Variants in TRHDE observed in about 807,000 individuals in gnomAD.
The protein encoded by TRHDE is thyrotropin-releasing hormone-degrading ectoenzyme.
TRHDE carries 72 observed loss-of-function variants against 125.7 expected under a neutral mutation model. The observed-to-expected ratio is 0.57, with a 90% CI of 0.47 to 0.70. The LOEUF (loss-of-function observed/expected upper bound fraction) is 0.70, where lower values mean the gene tolerates loss of function less well. Among genes scored for constraint, TRHDE ranks in the 30% least tolerant of loss-of-function variants. TRHDE has a pLI of 0.00. For missense variants in TRHDE, 1,110 were observed against 1,327.1 expected (o/e 0.84, Z 2.54); for synonymous variants, 509 against 509.1 (o/e 1.00, Z 0.00).
chr12:72,499,766 C>A, intron 6 of TRHDE, 131 bp downstream of exon 6: 1 of 1,017,060 alleles, frequency 9.8e-7, no homozygotes, highest in Non-Finnish European at 1.4e-6. Context: ...AAAACAGAGT[C>A]ACTAGGTTCG....
At chr12:72,209,471 A>G (rs1877732231) in intron 2 of TRHDE, among the ~76,000 whole-genome samples, 1 of 152,240 alleles carries the variant, frequency 6.6e-6, no homozygotes, top group African/African-American at 2.4e-5. Context: ...CATGTTCACA[A>G]TGTGGTTTCA....
intron 2 of TRHDE, among the ~76,000 whole-genome samples, chr12:72,244,491 T>C (rs557710217): frequency 1.3e-5 from 2 of 152,244 alleles, no homozygotes; most frequent in South Asian, 4.1e-4. Flanking sequence ...AGTACCATCA[T>C]TTCAATAAGA....
intron 6 of TRHDE, among the ~76,000 whole-genome samples, chr12:72,519,769 G>A (rs1293378520): frequency 1.3e-5 from 2 of 152,080 alleles, no homozygotes; most frequent in Admixed American, 1.3e-4. Flanking sequence ...CCCCATCTTT[G>A]TGGTTTTATC....
At chr12:72,128,596 T>G (rs911486381) in intron 2 of TRHDE, among the ~76,000 whole-genome samples, 15 of 152,314 alleles carry the variant, frequency 9.8e-5, no homozygotes, top group African/African-American at 3.4e-4. Flanking sequence ...AAAGGCTAAG[T>G]TGAACTTTTA....
chr12:72,615,988 A>G (rs1320213735), intron 12 of TRHDE, among the ~76,000 whole-genome samples: 1 of 152,146 alleles, frequency 6.6e-6, no homozygotes, highest in African/African-American at 2.4e-5. Context: ...TCTATTGGCT[A>G]GATCTCAGTC....
At chr12:72,120,024 A>G (rs1028847853) in intron 2 of TRHDE, among the ~76,000 whole-genome samples, 2 of 150,750 alleles carry the variant, frequency 1.3e-5, no homozygotes, top group African/African-American at 2.4e-5. Flanking sequence ...TTTACATTCA[A>G]TGCTATTATT....
rs188562697 is a variant in TRHDE at position 72,532,705 on chromosome 12, A to G, written c.1723-9586A>G. Among the ~76,000 whole-genome samples, 147 of 151,144 alleles carry G rather than the reference A, an allele frequency of 9.7e-4. 1 individual carries two copies. Among genetic ancestry groups the G allele is most frequent in the African/African-American group, 3.3e-3 (137 of 41,438 alleles). ...TGCAATTAATTATAATATGTTTGCTATTAAACAATTATTAAATTTCTGGAA... is the reference window on the plus strand; with the variant it reads ...TGCAATTAATTATAATATGTTTGCTGTTAAACAATTATTAAATTTCTGGAA... On this transcript the variant is annotated intron_variant, in intron 6 of 18. Transcript: ENST00000261180.
chr12:72,142,912 C>G (rs1876150440), intron 2 of TRHDE, among the ~76,000 whole-genome samples: 1 of 152,094 alleles, frequency 6.6e-6, no homozygotes, highest in Non-Finnish European at 1.5e-5. Flanking sequence ...AGAGCCACCT[C>G]ACCACTCAAT....
chr12:72,125,677 T>A (rs561792745), intron 2 of TRHDE, among the ~76,000 whole-genome samples: 1 of 152,350 alleles, frequency 6.6e-6, no homozygotes, highest in African/African-American at 2.4e-5. Context: ...CATAAATGAT[T>A]TCTGGCCAAG....
intron 2 of TRHDE, among the ~76,000 whole-genome samples, chr12:72,149,078 T>G (rs1251939154): frequency 1.3e-5 from 2 of 152,182 alleles, no homozygotes; most frequent in Non-Finnish European, 2.9e-5. Flanking sequence ...GCCTTCTTTT[T>G]GGCAAATTCT....
At chr12:72,359,801 C>T (rs1354786951) in intron 2 of TRHDE, among the ~76,000 whole-genome samples, 1 of 151,534 alleles carries the variant, frequency 6.6e-6, no homozygotes, top group African/African-American at 2.4e-5. Flanking sequence ...GATATTCATA[C>T]AAAATAATAA....
chr12:72,158,202 A>AT (rs1037390480), intron 2 of TRHDE, among the ~76,000 whole-genome samples: 6 of 152,106 alleles, frequency 3.9e-5, no homozygotes, highest in Non-Finnish European at 5.9e-5. Context: ...GAATTTTTTT[A>AT]TTTTTTCTGT....
chr12:72,304,744 TG>T (rs1868315051), intron 2 of TRHDE, among the ~76,000 whole-genome samples: 1 of 152,220 alleles, frequency 6.6e-6, no homozygotes, highest in Non-Finnish European at 1.5e-5. Flanking sequence ...AGAATTCTTT[TG>T]ATTCCCACTA....
chr12:72,278,531 G>T (rs553692821), intron 1 of TRHDE, among the ~76,000 whole-genome samples: 5 of 151,940 alleles, frequency 3.3e-5, no homozygotes, highest in African/African-American at 1.2e-4. Flanking sequence ...TTCCATAATG[G>T]CTGTACTAAT....
rs538843309 is a variant in TRHDE at position 72,385,956 on chromosome 12, A to G, written c.1315+7835A>G. Among the ~76,000 whole-genome samples the G allele has an allele frequency of 1.2e-4, 18 of 152,334 alleles. 1 individual carries two copies. In the East Asian group the frequency reaches 1.9e-3, roughly 16 times the overall value. ...TGCAATACAAACCAACATACAAGTG[A>G]ATTAATGGAACCAGCGTTTATTGAG... On this transcript the variant is annotated intron_variant, in intron 3 of 18. Transcript: ENST00000261180.
chr12:72,500,201 T>C (rs1878088845), intron 6 of TRHDE, among the ~76,000 whole-genome samples: 1 of 152,074 alleles, frequency 6.6e-6, no homozygotes, highest in South Asian at 2.1e-4. Context: ...ATAAGGCAAA[T>C]ATGAATTTTT....
At position 72,653,073 on chromosome 12, in the gene TRHDE, C is replaced by G; in HGVS notation, c.2901C>G (p.Val967=). The G allele has an allele frequency of 1.2e-6, 2 of 1,608,526 alleles. No homozygotes were observed. The highest frequency in any genetic ancestry group is 1.7e-6 in the Non-Finnish European group (2 of 1,176,720). The change falls in exon 17 of 19, where the codon GTC becomes GTG. Residue 967 remains valine (V), a synonymous_variant. Coordinates refer to ENST00000261180, the MANE Select transcript of TRHDE (RefSeq NM_013381.3). The part of the protein sequence containing the change: ...EVVLDQDAID[V]IIHVARNPHG... ...TGCTGGATCAAGATGCAATTGATGT[C>G]ATAATCCATGTAGCTCGAAATCCAC...
chr12:72,254,650 G>A (rs1157860927), intron 2 of TRHDE: 1 of 152,052 alleles, frequency 6.6e-6, no homozygotes, highest in East Asian at 1.9e-4. Context: ...GAAAAGAAAA[G>A]AATGTTCACA....
chr12:72,250,665 G>C (rs892804190), intron 2 of TRHDE, among the ~76,000 whole-genome samples: 1 of 151,848 alleles, frequency 6.6e-6, no homozygotes, highest in African/African-American at 2.4e-5. Flanking sequence ...AATGCTATCA[G>C]AGGCTTCTCA....
Sources: allele counts gnomAD v4.1 joint callset (sites outside exome capture counted in the v4.1 genomes callset), GRCh38; gene constraint gnomAD v4.1.1; transcripts MANE v1.5; gene names NCBI Gene and HGNC (gene_info 2026-07-23, HGNC 2026-07-21).